Variants in MED15 observed in about 807,000 individuals in gnomAD.
MED15 encodes the protein mediator of RNA polymerase II transcription subunit 15.
A neutral mutation model predicts 118.7 loss-of-function variants in MED15; 41 were observed. That is an observed-to-expected ratio of 0.35 (90% confidence interval 0.27 to 0.45). The LOEUF (loss-of-function observed/expected upper bound fraction) is 0.45, where lower values mean the gene tolerates loss of function less well. Ranked by LOEUF, MED15 falls within the 20% of genes least tolerant of loss-of-function variation. The pLI is 1.00. For missense variants in MED15, 740 were observed against 1,025.5 expected (o/e 0.72, Z 3.80); for synonymous variants, 436 against 413.9 (o/e 1.05, Z -0.65).
intron 8 of MED15, among the ~76,000 whole-genome samples, chr22:20,570,104 A>G (rs990928358): frequency 1.3e-5 from 2 of 152,304 alleles, no homozygotes; most frequent in Middle Eastern, 3.4e-3. Flanking sequence ...GGCTCACTGC[A>G]ACCTCTGCCT....
chr22:20,540,631 A>T (rs538911499), intron 2 of MED15, among the ~76,000 whole-genome samples: 49 of 152,270 alleles, frequency 3.2e-4, no homozygotes, highest in African/African-American at 1.2e-3. Context: ...TTTACAAGCT[A>T]AAACTATAAA....
intron 1 of MED15, among the ~76,000 whole-genome samples, chr22:20,524,818 A>T (rs2054576703): frequency 6.6e-6 from 1 of 151,188 alleles, no homozygotes; most frequent in Non-Finnish European, 1.5e-5. Flanking sequence ...GACGGGATTT[A>T]GTAGAGACGG....
At chr22:20,545,473 C>CAAAAAAAAAAAAAAAAA (rs56307139) in intron 2 of MED15, among the ~76,000 whole-genome samples, 2 of 90,152 alleles carry the variant, frequency 2.2e-5, no homozygotes, top group East Asian at 3.1e-4. Context: ...GACTCCACCT[C>CAAAAAAAAAAAAAAAAA]AAAAAAAAAA....
chr22:20,583,783 T>G, intron 13 of MED15: 1 of 261,722 alleles, frequency 3.8e-6, no homozygotes, highest in Non-Finnish European at 7.6e-6. Context: ...GTTACCCCAT[T>G]TGTAGCCCAC....
chr22:20,509,354 AAG>A (rs1429382539), intron 1 of MED15, among the ~76,000 whole-genome samples: 1 of 152,144 alleles, frequency 6.6e-6, no homozygotes, highest in African/African-American at 2.4e-5. Flanking sequence ...TTAAGCTATT[AAG>A]AGAGTTTGAA....
chr22:20,561,393 G>A (rs1601587367), intron 5 of MED15, among the ~76,000 whole-genome samples: 1 of 152,058 alleles, frequency 6.6e-6, no homozygotes, highest in East Asian at 1.9e-4. Flanking sequence ...GGTGGCGCAT[G>A]CCTGTAATCC....
At chr22:20,520,019 GC>G (rs1030112061) in intron 1 of MED15, among the ~76,000 whole-genome samples, 17 of 152,188 alleles carry the variant, frequency 1.1e-4, no homozygotes, top group African/African-American at 4.1e-4. Context: ...TCTGAGCTCT[GC>G]CTATGAATCT....
intron 3 of MED15, among the ~76,000 whole-genome samples, chr22:20,552,303 C>T (rs1313926737): frequency 6.6e-6 from 1 of 152,224 alleles, no homozygotes; most frequent in Non-Finnish European, 1.5e-5. Context: ...GGGTTAGGGA[C>T]AGGCAGCTGT....
At chr22:20,512,992 G>A (rs1025764609) in intron 1 of MED15, among the ~76,000 whole-genome samples, 6 of 151,650 alleles carry the variant, frequency 4.0e-5, no homozygotes, top group East Asian at 1.9e-4. Flanking sequence ...CACCCGCCTC[G>A]GCCTCCCAAA....
intron 9 of MED15, among the ~76,000 whole-genome samples, chr22:20,576,738 T>A (rs886089013): frequency 4.6e-5 from 7 of 152,302 alleles, no homozygotes; most frequent in African/African-American, 1.4e-4. Context: ...AGGAGGCCAG[T>A]GTGGGCAGAA....
chr22:20,569,393 A>G (rs1418005905), intron 8 of MED15, among the ~76,000 whole-genome samples: 18 of 152,160 alleles, frequency 1.2e-4, no homozygotes, highest in Non-Finnish European at 2.5e-4. Flanking sequence ...TGGCTTTAGA[A>G]AGAGTCAGAA....
chr22:20,519,504 C>T (rs1260270034), intron 1 of MED15, among the ~76,000 whole-genome samples: 5 of 151,016 alleles, frequency 3.3e-5, no homozygotes, highest in Admixed American at 6.6e-5. Context: ...GGCCTGACCT[C>T]GGCTCACTGG....
intron 2 of MED15, among the ~76,000 whole-genome samples, chr22:20,539,796 T>A (rs2055220618): frequency 6.6e-6 from 1 of 152,236 alleles, no homozygotes; most frequent in African/African-American, 2.4e-5. Flanking sequence ...TTGCATTGTT[T>A]TGATCTGCAT....
intron 9 of MED15, among the ~76,000 whole-genome samples, chr22:20,581,026 G>A (rs2056964818): frequency 6.6e-6 from 1 of 152,174 alleles, no homozygotes; most frequent in African/African-American, 2.4e-5. Flanking sequence ...CCATTCCATC[G>A]GTTGATGTCC....
At chr22:20,564,344 G>A (rs941902456) in intron 5 of MED15, 106 bp from the exon 6 acceptor site, 22 of 1,535,398 alleles carry the variant, frequency 1.4e-5, no homozygotes, top group East Asian at 6.8e-5. Context: ...AGCGGCAGCC[G>A]TGGCAGTGGG....
Position 20,524,360 on chromosome 22 carries a change from A to G in MED15, c.69-12757A>G, listed in dbSNP as rs187479305. 4.7e-3 allele frequency: 716 copies of G among 152,366 alleles called. 1 individual carries two copies. The highest frequency in any genetic ancestry group is 8.5e-3 in the Admixed American group (130 of 15,288). 9.4% of individuals were successfully genotyped at this position (152,366 alleles called of 1,614,324 possible). A position where few individuals can be genotyped will look rare whatever the true frequency, so the allele number is the denominator to read the frequency against. On this transcript the variant is annotated intron_variant, in intron 1 of 17. Coordinates refer to ENST00000263205, the MANE Select transcript of MED15 (RefSeq NM_001003891.3). ...CCACCCTGTAGCTGTCTAGAGACCT[A>G]GTGAAGGTCAGAAGGCTGGGTGAGA...
intron 9 of MED15, among the ~76,000 whole-genome samples, chr22:20,579,856 T>C (rs1430193357): frequency 1.6e-4 from 24 of 152,074 alleles, no homozygotes; most frequent in Non-Finnish European, 1.5e-5. Flanking sequence ...TGGTGTGCAC[T>C]CAGAAACTCC....
rs180728667 is a variant in MED15, at chr22:20,521,666, G to T, written c.68+13920G>T. The stretch of plus-strand genomic sequence containing the variant: ...CTACCTCGGCCTCCCAAAATGCTGG[G>T]ATTACAGGCGTGAGCCACTGCGCCT... On this transcript the variant is annotated intron_variant, in intron 1 of 17. Transcript: ENST00000263205. Among the ~76,000 whole-genome samples, 133 of 151,572 alleles carry T rather than the reference G, an allele frequency of 8.8e-4. 2 individuals are homozygous for T. In the East Asian group the frequency reaches 0.02, roughly 23 times the overall value.
intron 1 of MED15, among the ~76,000 whole-genome samples, chr22:20,521,033 T>C (rs1168489374): frequency 1.3e-5 from 2 of 149,978 alleles, no homozygotes; most frequent in African/African-American, 4.9e-5. Flanking sequence ...TGTGCAATTG[T>C]GTGCATCATG....
Sources: gnomAD v4.1 joint callset for allele counts (sites outside exome capture counted in the v4.1 genomes callset) on GRCh38, gnomAD v4.1.1 for gene constraint, MANE v1.5 for transcripts, NCBI Gene and HGNC (gene_info 2026-07-23, HGNC 2026-07-21) for gene names.